KAZN: variants seen among roughly 807,000 people sequenced by gnomAD.
The protein encoded by KAZN is kazrin, periplakin interacting protein.
Under a neutral mutation model 87.4 loss-of-function variants are expected in KAZN, and 40 were observed. That is an observed-to-expected ratio of 0.46 (90% CI 0.36 to 0.60). The LOEUF (loss-of-function observed/expected upper bound fraction) is 0.60, where lower values mean the gene tolerates loss of function less well. Among genes scored for constraint, KAZN ranks in the 20% least tolerant of loss-of-function variants. The pLI is 0.00. For missense variants in KAZN, 898 were observed against 1,073.9 expected (o/e 0.84, Z 2.29); for synonymous variants, 466 against 458.3 (o/e 1.02, Z -0.22).
At chr1:14,985,135 CAA>C (rs1164946882) in intron 2 of KAZN, among the ~76,000 whole-genome samples, 84 of 86,778 alleles carry the variant, frequency 9.7e-4, no homozygotes, top group African/African-American at 2.6e-3. Context: ...GACTCTGTCT[CAA>C]AAAAAAAAAA....
chr1:14,613,844 A>G (rs976291973), intron 1 of KAZN, among the ~76,000 whole-genome samples: 1 of 152,154 alleles, frequency 6.6e-6, no homozygotes, highest in Non-Finnish European at 1.5e-5. Flanking sequence ...TTGGAAAACT[A>G]TGGCCTCTGC....
In KAZN at chr1:15,112,463, G is replaced by A. The variant is rs577587349; in HGVS notation, c.2085G>A (p.Thr695=). The change falls in exon 14 of 15, where the codon ACG becomes ACA. Residue 695 remains threonine (T), a synonymous_variant. Transcript: ENST00000376030. ...TCCGGGAGGCTGAGCGTTTTGGAAC[G>A]CCCCCTGGCAGGGCCTCCAGCGTCA... The part of the protein sequence containing the change: ...TGIREAERFG[T]PPGRASSVTR... The A allele has an allele frequency of 2.2e-5, 35 of 1,607,124 alleles. No individual in the cohort carries two copies. In the African/African-American group the frequency reaches 2.7e-4, roughly 12 times the overall value.
At position 15,070,805 on chromosome 1, in the gene KAZN, C is replaced by T. The variant is rs143820371; in HGVS notation, c.1222+5052C>T. ...GCAATGAGCCGAGATCGAGCCACTGCACTCCAGCCTGGGCGACAGAGTGAG... is the reference window on the plus strand; with the variant it reads ...GCAATGAGCCGAGATCGAGCCACTGTACTCCAGCCTGGGCGACAGAGTGAG... On this transcript the variant is annotated intron_variant, in intron 8 of 14. Coordinates refer to ENST00000376030, the MANE Select transcript of KAZN (RefSeq NM_201628.3). Among the ~76,000 whole-genome samples, 504 of 152,338 alleles carry T rather than the reference C, an allele frequency of 3.3e-3. 4 individuals carry two copies. The highest frequency in any genetic ancestry group is 0.012 in the African/African-American group (482 of 41,576).
chr1:14,499,332 CT>C (rs896063717), intron 2 of KAZN, among the ~76,000 whole-genome samples: 1 of 152,174 alleles, frequency 6.6e-6, no homozygotes, highest in Non-Finnish European at 1.5e-5. Flanking sequence ...GCACATCTCA[CT>C]TTTTGGGGTG....
chr1:14,995,627 TAA>T (rs59636200), intron 2 of KAZN, among the ~76,000 whole-genome samples: 46 of 135,702 alleles, frequency 3.4e-4, no homozygotes, highest in Non-Finnish European at 3.2e-4. Flanking sequence ...CCACCTCAAA[TAA>T]AAAAAAAAAA....
intron 2 of KAZN, among the ~76,000 whole-genome samples, chr1:14,365,949 T>C (rs1403923820): frequency 2.6e-5 from 4 of 152,248 alleles, no homozygotes; most frequent in African/African-American, 4.8e-5. Flanking sequence ...TCTGATGAGA[T>C]AGATTTCCCT....
At chr1:14,622,026 T>G (rs1369193503) in intron 1 of KAZN, among the ~76,000 whole-genome samples, 1 of 152,230 alleles carries the variant, frequency 6.6e-6, no homozygotes, top group African/African-American at 2.4e-5. Flanking sequence ...ACTTGCACAT[T>G]GCAGACAGTC....
chr1:14,854,335 G>A (rs1649819807), intron 1 of KAZN, among the ~76,000 whole-genome samples: 1 of 152,194 alleles, frequency 6.6e-6, no homozygotes, highest in African/African-American at 2.4e-5. Context: ...TTCCTTTGCA[G>A]TATTTCAATC....
intron 1 of KAZN, among the ~76,000 whole-genome samples, chr1:14,091,855 T>G (rs1644003178): frequency 6.6e-6 from 1 of 152,164 alleles, no homozygotes; most frequent in Non-Finnish European, 1.5e-5. Flanking sequence ...CTAACCTTGC[T>G]TGGTACTTTG....
At chr1:14,297,646 G>T (rs1221086948) in intron 2 of KAZN, among the ~76,000 whole-genome samples, 1 of 152,112 alleles carries the variant, frequency 6.6e-6, no homozygotes, top group East Asian at 1.9e-4. Flanking sequence ...CCTAGGGGAT[G>T]CAGTTGTCAG....
chr1:14,591,417 A>AC (rs1676192849), intron 2 of KAZN, among the ~76,000 whole-genome samples: 1 of 122,936 alleles, frequency 8.1e-6, no homozygotes, highest in African/African-American at 2.8e-5. Context: ...GGGAAAGAAG[A>AC]AACACACACA....
chr1:14,284,113 C>A (rs1404185542), intron 2 of KAZN, among the ~76,000 whole-genome samples: 1 of 145,954 alleles, frequency 6.9e-6, no homozygotes, highest in Non-Finnish European at 1.5e-5. Flanking sequence ...GAGATCGGGG[C>A]TGGGGGGAGC....
chr1:15,067,624 G>A, intron 8 of KAZN: 2 of 985,440 alleles, frequency 2.0e-6, no homozygotes, highest in Non-Finnish European at 2.4e-6. Flanking sequence ...AAATGCTAGA[G>A]TATCTCTATC....
chr1:14,526,194 A>T (rs950771282), intron 2 of KAZN, among the ~76,000 whole-genome samples: 1 of 152,198 alleles, frequency 6.6e-6, no homozygotes, highest in Non-Finnish European at 1.5e-5. Context: ...GAGAAAGGGA[A>T]TTCTCCTAAG....
At chr1:14,147,845 T>C (rs899944839) in intron 1 of KAZN, among the ~76,000 whole-genome samples, 3 of 151,800 alleles carry the variant, frequency 2.0e-5, no homozygotes, top group African/African-American at 7.3e-5. Context: ...GAAACCTTTC[T>C]AAAGTGGTGC....
intron 2 of KAZN, among the ~76,000 whole-genome samples, chr1:14,514,585 T>TGAA (rs1671182049): frequency 2.6e-5 from 1 of 37,932 alleles, no homozygotes; most frequent in Non-Finnish European, 5.3e-5. Context: ...TTTATATATT[T>TGAA]TTTTATATTT....
intron 2 of KAZN, among the ~76,000 whole-genome samples, chr1:14,486,829 C>A (rs936308928): frequency 2.0e-5 from 3 of 152,208 alleles, no homozygotes; most frequent in Non-Finnish European, 4.4e-5. Context: ...AAGTGCCAGG[C>A]ATAATATTAT....
intron 1 of KAZN, among the ~76,000 whole-genome samples, chr1:14,842,151 C>T (rs1214772985): frequency 2.0e-5 from 3 of 152,218 alleles, no homozygotes; most frequent in African/African-American, 4.8e-5. Flanking sequence ...CCAACCCCCA[C>T]TAGAATGTAA....
At chr1:14,704,646 G>A (rs1642110998) in intron 1 of KAZN, among the ~76,000 whole-genome samples, 1 of 152,154 alleles carries the variant, frequency 6.6e-6, no homozygotes, top group Non-Finnish European at 1.5e-5. Context: ...CAGGGATGAA[G>A]TCTCCACGTC....
Sources: allele counts gnomAD v4.1 joint callset (sites outside exome capture counted in the v4.1 genomes callset), GRCh38; gene constraint gnomAD v4.1.1; transcripts MANE v1.5; gene names NCBI Gene and HGNC (gene_info 2026-07-23, HGNC 2026-07-21).